GRID2: variants seen among roughly 807,000 people sequenced by gnomAD.
The protein encoded by GRID2 is glutamate ionotropic receptor delta type subunit 2.
In GRID2, 33 loss-of-function variants were observed where a neutral mutation model predicts 114.8. That is an observed-to-expected ratio of 0.29 (90% CI 0.22 to 0.38). GRID2 has a LOEUF of 0.38. GRID2 is among the 10% of genes least tolerant of loss of function. GRID2 has a pLI of 1.00. For missense variants in GRID2, 1,184 were observed against 1,257.7 expected, an observed-to-expected ratio of 0.94 and a Z score of 0.89; for synonymous variants, 505 against 449.9, an observed-to-expected ratio of 1.12 and a Z score of -1.55.
chr4:93,037,361 T>C (rs1017980720), intron 2 of GRID2, among the ~76,000 whole-genome samples: 9 of 152,270 alleles, frequency 5.9e-5, no homozygotes, highest in African/African-American at 2.2e-4. Context: ...ATGGATAGAG[T>C]GCTAAAATTT....
chr4:92,366,241 T>C (rs1728861164), intron 1 of GRID2, among the ~76,000 whole-genome samples: 1 of 152,020 alleles, frequency 6.6e-6, no homozygotes, highest in African/African-American at 2.4e-5. Context: ...CACATTTAAA[T>C]CCTCCATGTT....
intron 2 of GRID2, among the ~76,000 whole-genome samples, chr4:92,665,843 GA>G (rs1732748110): frequency 6.6e-6 from 1 of 151,084 alleles, no homozygotes; most frequent in Non-Finnish European, 1.5e-5. Context: ...ATGATTTCCA[GA>G]TTATTTATTT....
chr4:93,572,854 G>A (rs1003736448), intron 13 of GRID2, among the ~76,000 whole-genome samples: 2 of 152,082 alleles, frequency 1.3e-5, no homozygotes, highest in African/African-American at 4.8e-5. Context: ...TGCAGCACAT[G>A]CTTTTACTAA....
chr4:92,339,025 A>G (rs998913878), intron 1 of GRID2, among the ~76,000 whole-genome samples: 2 of 152,066 alleles, frequency 1.3e-5, no homozygotes, highest in African/African-American at 4.8e-5. Flanking sequence ...AAATACTCTA[A>G]TTACTTCCCA....
At chr4:92,391,527 A>AT (rs1021387937) in intron 1 of GRID2, among the ~76,000 whole-genome samples, 2 of 152,128 alleles carry the variant, frequency 1.3e-5, no homozygotes, top group Admixed American at 6.6e-5. Flanking sequence ...AAATATTGAG[A>AT]TTGTAAAAAA....
chr4:92,544,894 T>C (rs1726164853), intron 1 of GRID2, among the ~76,000 whole-genome samples: 1 of 152,148 alleles, frequency 6.6e-6, no homozygotes, highest in Non-Finnish European at 1.5e-5. Context: ...CATTCTTATG[T>C]TCAATGACAG....
intron 2 of GRID2, among the ~76,000 whole-genome samples, chr4:92,835,288 C>A (rs1742378166): frequency 1.3e-5 from 2 of 151,654 alleles, no homozygotes. Flanking sequence ...ATAATCTAAG[C>A]ATTCTATGCA....
At chr4:93,242,032 G>A (rs1468237627) in intron 8 of GRID2, among the ~76,000 whole-genome samples, 1 of 151,810 alleles carries the variant, frequency 6.6e-6, no homozygotes, top group African/African-American at 2.4e-5. Flanking sequence ...CTTAACCATA[G>A]GCACCGGGGA....
chr4:92,846,040 A>T (rs1219433629), intron 2 of GRID2, among the ~76,000 whole-genome samples: 1 of 152,048 alleles, frequency 6.6e-6, no homozygotes, highest in African/African-American at 2.4e-5. Flanking sequence ...ATCTCTTCTT[A>T]AACTGTTAAA....
intron 8 of GRID2, among the ~76,000 whole-genome samples, chr4:93,281,457 G>C (rs978908935): frequency 3.3e-5 from 5 of 151,944 alleles, no homozygotes; most frequent in Non-Finnish European, 5.9e-5. Flanking sequence ...TCGACTTTAA[G>C]CGACATGTTG....
At chr4:93,359,743 G>T (rs1365670068) in intron 8 of GRID2, among the ~76,000 whole-genome samples, 1 of 124,618 alleles carries the variant, frequency 8.0e-6, no homozygotes, top group Non-Finnish European at 1.7e-5. Flanking sequence ...CTTAGCAAAT[G>T]AAACAGTAGC....
At chr4:93,042,704 C>CAT (rs201662029) in intron 2 of GRID2, among the ~76,000 whole-genome samples, 37 of 134,716 alleles carry the variant, frequency 2.7e-4, no homozygotes, top group Middle Eastern at 8.5e-3. Context: ...TATATATATG[C>CAT]ATATATATAT....
At chr4:92,618,534 A>G (rs766876875) in intron 2 of GRID2, among the ~76,000 whole-genome samples, 52 of 151,670 alleles carry the variant, frequency 3.4e-4, no homozygotes, top group Non-Finnish European at 6.5e-4. Context: ...TTTTTTTCCA[A>G]TTCTGTGAAG....
At chr4:93,297,283 AC>A (rs1478059311) in intron 8 of GRID2, among the ~76,000 whole-genome samples, 6 of 152,216 alleles carry the variant, frequency 3.9e-5, no homozygotes, top group Non-Finnish European at 8.8e-5. Context: ...AAGTAAATGA[AC>A]AATAAAATTA....
chr4:93,620,042 G>A lies in GRID2; in HGVS notation c.2194-6227G>A, dbSNP rs369984237. On this transcript the variant is annotated intron_variant, in intron 13 of 15. Coordinates refer to ENST00000282020, the MANE Select transcript of GRID2 (RefSeq NM_001510.4). ...ATTCCAAATCTACCGCAAATCATTG[G>A]TATGACTTAGAGCAAGTTACAATTA... Among the ~76,000 whole-genome samples, 12 of 152,278 alleles carry A rather than the reference G, an allele frequency of 7.9e-5. No homozygotes were observed. In the South Asian group the frequency reaches 2.5e-3, roughly 32 times the overall value.
rs563899448 is a variant in GRID2, at chr4:92,893,484, T to C, written c.245-191511T>C. Among the ~76,000 whole-genome samples, 10 of 152,240 alleles carry C rather than the reference T, an allele frequency of 6.6e-5. No individual in the cohort carries two copies. The South Asian group carries it at 1.9e-3, about 28-fold the overall frequency. ...TTCTAGTTATCAGACATTAGGCAAA[T>C]CACTGAACTTCTCTGAGCCTGTGTT... On this transcript the variant is annotated intron_variant, in intron 2 of 15. Transcript: ENST00000282020.
intron 14 of GRID2, among the ~76,000 whole-genome samples, chr4:93,670,722 A>G (rs927992977): frequency 6.6e-6 from 1 of 152,198 alleles, no homozygotes; most frequent in Non-Finnish European, 1.5e-5. Flanking sequence ...TGTTTCTTCC[A>G]AAACAAATCT....
intron 2 of GRID2, among the ~76,000 whole-genome samples, chr4:92,921,452 G>C (rs1392421581): frequency 6.6e-6 from 1 of 151,828 alleles, no homozygotes; most frequent in Non-Finnish European, 1.5e-5. Flanking sequence ...CAGTTTTTCT[G>C]CTGTTTTTTC....
At chr4:92,638,420 C>A (rs2169945) in intron 2 of GRID2, among the ~76,000 whole-genome samples, 1 of 146,492 alleles carries the variant, frequency 6.8e-6, no homozygotes, top group Admixed American at 6.9e-5. Flanking sequence ...ATACAAGGGA[C>A]AAAATTATAT....
Sources: gnomAD v4.1 joint callset for allele counts (sites outside exome capture counted in the v4.1 genomes callset) on GRCh38, gnomAD v4.1.1 for gene constraint, MANE v1.5 for transcripts, NCBI Gene and HGNC (gene_info 2026-07-23, HGNC 2026-07-21) for gene names.